The following PTPRQ variants were observed in gnomAD, a reference collection of about 807,000 sequenced individuals.
The protein encoded by PTPRQ is protein tyrosine phosphatase receptor type Q, also known as phosphatidylinositol phosphatase PTPRQ.
PTPRQ carries 199 observed loss-of-function variants against 246.0 expected under a neutral mutation model. The ratio of observed to expected loss-of-function variants is 0.81; its 90% CI spans 0.72 to 0.91. The LOEUF (loss-of-function observed/expected upper bound fraction) is 0.91. Among genes scored for constraint, PTPRQ ranks in the 40% least tolerant of loss-of-function variants. The pLI is 0.00. For synonymous variants in PTPRQ, 869 were observed against 853.2 expected, an observed-to-expected ratio of 1.02 and a Z score of -0.32; for missense variants, 2,624 against 2,528.4, an observed-to-expected ratio of 1.04 and a Z score of -0.81.
chr12:80,647,722 T>C (rs1900121840), intron 35 of PTPRQ, among the ~76,000 whole-genome samples: 2 of 152,180 alleles, frequency 1.3e-5, no homozygotes. Flanking sequence ...CTTTCTTGCT[T>C]TCTTTAAATC....
In PTPRQ at chr12:80,637,767, A is replaced by T. The variant is rs770300848; in HGVS notation, c.5915+2694A>T. Among the ~76,000 whole-genome samples the T allele has an allele frequency of 3.3e-5, 5 of 152,176 alleles. No individual in the cohort carries two copies. In the South Asian group the frequency reaches 6.2e-4, roughly 19 times the overall value. ...ATTAGCTGCATGTACATATGAGTGG[A>T]TCCTGTCATTTGGTGAAGCTCTAAA... On this transcript the variant is annotated intron_variant, in intron 35 of 44. Coordinates refer to ENST00000644991, the MANE Select transcript of PTPRQ (RefSeq NM_001145026.2).
chr12:80,620,560 A>G (rs1898943342), intron 32 of PTPRQ, among the ~76,000 whole-genome samples, 184 bp downstream of exon 32: 3 of 151,820 alleles, frequency 2.0e-5, no homozygotes, highest in Non-Finnish European at 1.5e-5. Flanking sequence ...TTCCATAAAC[A>G]TACAGTATTA....
At chr12:80,661,234 T>C (rs932500291) in intron 39 of PTPRQ, among the ~76,000 whole-genome samples, 1 of 149,998 alleles carries the variant, frequency 6.7e-6, no homozygotes, top group East Asian at 1.9e-4. Flanking sequence ...TATAAACACA[T>C]ATATGTGTGT....
chr12:80,550,891 T>G (rs1005164298), intron 25 of PTPRQ, among the ~76,000 whole-genome samples: 2 of 152,092 alleles, frequency 1.3e-5, no homozygotes, highest in Non-Finnish European at 2.9e-5. Flanking sequence ...ATCATCCATA[T>G]TTATTGTTAT....
chr12:80,619,455 A>G lies in PTPRQ; in HGVS notation c.5302A>G (p.Thr1768Ala), dbSNP rs1898891020. The G allele has an allele frequency of 6.5e-7, 1 of 1,548,474 alleles. No individual in the cohort carries two copies. ...ATGKLLVTST[T>A]ITIRMPICYY... ...AGGAAAACTGCTTGTGACTTCAACA[A>G]CAATTACAATCAGAATGCCAATATG... The change falls in exon 31 of 45, where the codon ACA becomes GCA. Residue 1768 changes from threonine to alanine, a missense_variant. Thr to Ala is a moderately conservative substitution (Grantham distance 58). Transcript: ENST00000644991.
In PTPRQ at chr12:80,493,276, A is replaced by G. The variant is rs1894506077; in HGVS notation, c.1361A>G (p.Tyr454Cys). ...TAAAATATCTACTTTTAATTACAGT[A>G]TATAAATGACCCCATGGCTCCAGAA... ...ENTLLTGNNE[Y>C]INDPMAPEIV... Residue 454 changes from tyrosine (Y) to cysteine (C), a missense_variant and splice_region_variant, in exon 10 of 45, where the codon TAT becomes TGT. Physicochemically the swap from Tyr to Cys is radical, Grantham distance 194. Transcript: ENST00000644991. The G allele has an allele frequency of 5.3e-6, 8 of 1,520,170 alleles. No individual in the cohort carries two copies. Among genetic ancestry groups the G allele is most frequent in the African/African-American group, 2.8e-5 (2 of 71,552 alleles). 94.2% of individuals were successfully genotyped at this position (1,520,170 alleles called of 1,614,324 possible). A position where few individuals can be genotyped will look rare whatever the true frequency, so the allele number is the denominator to read the frequency against.
intron 17 of PTPRQ, among the ~76,000 whole-genome samples, chr12:80,520,708 G>C (rs1203510591): frequency 2.0e-5 from 3 of 152,012 alleles, no homozygotes; most frequent in Non-Finnish European, 4.4e-5. Flanking sequence ...TTTTATGGCT[G>C]CATAGTATTC....
At chr12:80,627,164 A>G (rs1237464740) in intron 33 of PTPRQ, among the ~76,000 whole-genome samples, 2 of 151,926 alleles carry the variant, frequency 1.3e-5, no homozygotes, top group Admixed American at 1.3e-4. Context: ...TAATTAACAA[A>G]TCCATCACCT....
chr12:80,505,147 G>T (rs1185375852), intron 14 of PTPRQ, among the ~76,000 whole-genome samples: 1 of 151,872 alleles, frequency 6.6e-6, no homozygotes, highest in East Asian at 1.9e-4. Flanking sequence ...CTACACATAT[G>T]TTACTATACA....
chr12:80,591,883 G>A (rs1267833246), intron 26 of PTPRQ, among the ~76,000 whole-genome samples: 1 of 152,148 alleles, frequency 6.6e-6, no homozygotes, highest in Non-Finnish European at 1.5e-5. Context: ...ACTGAGCCAG[G>A]AAGTGAACTT....
chr12:80,468,467 A>G (rs1485562056), intron 6 of PTPRQ, among the ~76,000 whole-genome samples: 1 of 152,220 alleles, frequency 6.6e-6, no homozygotes, highest in African/African-American at 2.4e-5. Flanking sequence ...TGCGCAGTGC[A>G]ATAGTAAACA....
chr12:80,507,303 G>C (rs1231986092), intron 16 of PTPRQ, among the ~76,000 whole-genome samples: 1 of 151,874 alleles, frequency 6.6e-6, no homozygotes, highest in Admixed American at 6.6e-5. Flanking sequence ...AGATATATTT[G>C]GGTTAGGATT....
At chr12:80,506,506 C>T (rs1342227360) in intron 15 of PTPRQ, 63 bp from the exon 16 acceptor site, 5 of 1,272,200 alleles carry the variant, frequency 3.9e-6, no homozygotes, top group African/African-American at 1.5e-5. Context: ...TCATAGTTTG[C>T]CTCTTGCATA....
intron 17 of PTPRQ, among the ~76,000 whole-genome samples, chr12:80,533,401 C>T (rs897399257): frequency 3.3e-5 from 5 of 151,882 alleles, no homozygotes; most frequent in Admixed American, 6.6e-5. Flanking sequence ...ATTGTAAATA[C>T]TTTAAAGATT....
At chr12:80,483,289 C>T (rs1246252827) in intron 8 of PTPRQ, among the ~76,000 whole-genome samples, 87 of 142,642 alleles carry the variant, frequency 6.1e-4, no homozygotes, top group African/African-American at 1.5e-3. Flanking sequence ...AAAAACCAAA[C>T]GCCGCATATT....
At chr12:80,518,601 T>C (rs141117355) in intron 17 of PTPRQ, among the ~76,000 whole-genome samples, 120 of 152,284 alleles carry the variant, frequency 7.9e-4, no homozygotes, top group African/African-American at 2.8e-3. Flanking sequence ...AATAGTTTCA[T>C]AGTTTGAGGT....
At chr12:80,560,106 C>T (rs1896780831) in intron 25 of PTPRQ, among the ~76,000 whole-genome samples, 2 of 152,284 alleles carry the variant, frequency 1.3e-5, no homozygotes, top group Non-Finnish European at 2.9e-5. Flanking sequence ...AGTGACTCTT[C>T]CCAAGTAAGA....
chr12:80,655,290 AC>A (rs1277694111), intron 38 of PTPRQ, among the ~76,000 whole-genome samples: 1 of 152,178 alleles, frequency 6.6e-6, no homozygotes, highest in Non-Finnish European at 1.5e-5. Context: ...AGTGGTCTCT[AC>A]CCCATAAGAG....
intron 23 of PTPRQ, 87 bp from the exon 24 acceptor site, chr12:80,546,469 T>C: frequency 1.6e-6 from 2 of 1,262,712 alleles, no homozygotes; most frequent in East Asian, 5.1e-5. Flanking sequence ...AGGTTAAATA[T>C]AAAAGGAATA....
Sources: allele counts gnomAD v4.1 joint callset (sites outside exome capture counted in the v4.1 genomes callset), GRCh38; gene constraint gnomAD v4.1.1; transcripts MANE v1.5; gene names NCBI Gene and HGNC (gene_info 2026-07-23, HGNC 2026-07-21).